TMPRSS11E: variants seen among roughly 807,000 people sequenced by gnomAD.
The protein encoded by TMPRSS11E is transmembrane protease serine 11E.
Under a neutral mutation model 48.1 loss-of-function variants are expected in TMPRSS11E, and 38 were observed. The observed-to-expected ratio is 0.79, with a 90% CI of 0.61 to 1.04. The LOEUF (loss-of-function observed/expected upper bound fraction) is 1.04. Ranked by LOEUF, TMPRSS11E falls within the 50% of genes least tolerant of loss-of-function variation. TMPRSS11E has a pLI of 0.00. For missense variants in TMPRSS11E, 530 were observed against 510.8 expected (o/e 1.04, Z -0.36); for synonymous variants, 158 against 171.9 (o/e 0.92, Z 0.63).
chr4:68,482,012 G>T (rs1031105895), intron 9 of TMPRSS11E, among the ~76,000 whole-genome samples: 4 of 152,230 alleles, frequency 2.6e-5, no homozygotes, highest in African/African-American at 4.8e-5. Flanking sequence ...AAAGAGAAAA[G>T]GTTTAATTGG....
chr4:68,476,284 A>C lies in TMPRSS11E; in HGVS notation c.553A>C (p.Thr185Pro), dbSNP rs1729214508. ...AGGCTGCGGAACACGAAGAAGTAAA[A>C]CTCTAGGTCAGAGTCTCAGGATCGT... ...NHCCGTRRSK[T>P]LGQSLRIVGG... Residue 185 changes from threonine to proline, a missense_variant, in exon 7 of 10, where the codon ACT (threonine) becomes CCT (proline). Transcript: ENST00000305363. 1 of 1,613,848 alleles carries C rather than the reference A, an allele frequency of 6.2e-7. No homozygotes were observed. Among genetic ancestry groups the C allele is most frequent in the South Asian group, 1.1e-5 (1 of 91,070 alleles).
chr4:68,490,737 C>T (rs1729691995), intron 9 of TMPRSS11E, among the ~76,000 whole-genome samples: 1 of 147,662 alleles, frequency 6.8e-6, no homozygotes, highest in Non-Finnish European at 1.5e-5. Context: ...TTCATGCTTC[C>T]CACTCAGCAT....
intron 9 of TMPRSS11E, among the ~76,000 whole-genome samples, chr4:68,482,339 T>C (rs1482216790): frequency 6.6e-6 from 1 of 152,064 alleles, no homozygotes; most frequent in Non-Finnish European, 1.5e-5. Context: ...GGGATAAATA[T>C]CCAAATTATA....
chr4:68,464,726 C>A (rs1728881604), intron 2 of TMPRSS11E, among the ~76,000 whole-genome samples: 1 of 152,140 alleles, frequency 6.6e-6, no homozygotes, highest in Non-Finnish European at 1.5e-5. Context: ...GATTTTAAAT[C>A]ATTCAATCTA....
intron 9 of TMPRSS11E, among the ~76,000 whole-genome samples, chr4:68,495,944 A>T (rs1729853743): frequency 6.6e-6 from 1 of 152,164 alleles, no homozygotes; most frequent in Admixed American, 6.6e-5. Context: ...GATCTTGAGG[A>T]ATAATCAGCC....
Position 68,466,718 on chromosome 4 carries a change from A to C in TMPRSS11E, c.224A>C (p.Asn75Thr). ...GAGTTTGGCAGAGAGGCTTCTAACA[A>C]TTTTACAGAAATGAGCCAGAGACTT... ...YAEFGREASN[N>T]FTEMSQRLES... Residue 75 changes from asparagine (N) to threonine (T), a missense_variant, in exon 3 of 10, where the codon AAT becomes ACT. Coordinates refer to ENST00000305363, the MANE Select transcript of TMPRSS11E (RefSeq NM_014058.4). 2 of 1,613,728 alleles carry C rather than the reference A, an allele frequency of 1.2e-6. No homozygotes were observed. Among genetic ancestry groups the C allele is most frequent in the Non-Finnish European group, 1.7e-6 (2 of 1,179,718 alleles).
chr4:68,474,174 G>A (rs1180714770), intron 5 of TMPRSS11E, among the ~76,000 whole-genome samples: 1 of 152,050 alleles, frequency 6.6e-6, no homozygotes, highest in East Asian at 1.9e-4. Context: ...GACAATTTGA[G>A]GGCAGACTGT....
chr4:68,488,510 C>CTT (rs1443063367), intron 9 of TMPRSS11E, among the ~76,000 whole-genome samples: 4 of 151,900 alleles, frequency 2.6e-5, no homozygotes, highest in Non-Finnish European at 4.4e-5. Context: ...ATCAGTTTCT[C>CTT]TTCTTTTCTT....
chr4:68,485,760 C>G (rs1171513824), intron 9 of TMPRSS11E, among the ~76,000 whole-genome samples: 1 of 152,036 alleles, frequency 6.6e-6, no homozygotes, highest in Admixed American at 6.6e-5. Flanking sequence ...TAGAATTTGG[C>G]TGTGAATCTC....
At position 68,477,634 on chromosome 4, in the gene TMPRSS11E, C is replaced by T. The variant is rs756755565; in HGVS notation, c.967+6C>T. 57 of 1,610,000 alleles carry T rather than the reference C, an allele frequency of 3.5e-5. No individual in the cohort carries two copies. Among genetic ancestry groups the T allele is most frequent in the African/African-American group, 5.3e-5 (4 of 74,794 alleles). ...TGGAGCACTGAAAAATGATGGTGAG[C>T]ATCGGAAGAGGAACTCAAGTAAAAG... On this transcript the variant is annotated splice_donor_region_variant and intron_variant, in intron 8 of 9. Coordinates refer to ENST00000305363, the MANE Select transcript of TMPRSS11E (RefSeq NM_014058.4).
chr4:68,480,695 A>G (rs1347091375), intron 9 of TMPRSS11E, among the ~76,000 whole-genome samples: 2 of 151,986 alleles, frequency 1.3e-5, no homozygotes, highest in Non-Finnish European at 2.9e-5. Context: ...ATGATGACTG[A>G]TATTCAGATA....
chr4:68,478,259 G>A (rs1382824955), intron 8 of TMPRSS11E, among the ~76,000 whole-genome samples: 6 of 148,316 alleles, frequency 4.0e-5, no homozygotes, highest in Non-Finnish European at 8.9e-5. Flanking sequence ...AGGTTCAAGC[G>A]ATTCTCCTGC....
At chr4:68,494,656 C>T (rs1729819914) in intron 9 of TMPRSS11E, among the ~76,000 whole-genome samples, 1 of 150,824 alleles carries the variant, frequency 6.6e-6, no homozygotes, top group African/African-American at 2.4e-5. Flanking sequence ...GAGATAGAGA[C>T]AGACTGGTCC....
intron 4 of TMPRSS11E, 34 bp downstream of exon 4, chr4:68,468,980 A>G (rs1299598264): frequency 6.7e-7 from 1 of 1,497,340 alleles, no homozygotes; most frequent in East Asian, 2.3e-5. Context: ...TTCTGAATTT[A>G]AAGTTGAAGC....
At chr4:68,451,852 C>T (rs886564342) in intron 1 of TMPRSS11E, among the ~76,000 whole-genome samples, 3 of 151,808 alleles carry the variant, frequency 2.0e-5, no homozygotes, top group African/African-American at 7.3e-5. Context: ...GATGGTTAAC[C>T]AGGGTCTATC....
rs752653480 is a variant in TMPRSS11E, at chr4:68,497,573, T to C, written c.*769T>C. ...TTATTTAACATTGTTACTGAGGATG[T>C]CAACATATAACAATAAAATATAAAT... On this transcript the variant is annotated 3_prime_UTR_variant, in exon 10 of 10. Transcript: ENST00000305363. The C allele has an allele frequency of 6.6e-6, 1 of 152,106 alleles. No homozygotes were observed. Among genetic ancestry groups the C allele is most frequent in the Non-Finnish European group, 1.5e-5 (1 of 67,990 alleles). 9.4% of individuals were successfully genotyped at this position (152,106 alleles called of 1,614,324 possible).
chr4:68,481,094 T>C (rs1237103631), intron 9 of TMPRSS11E, among the ~76,000 whole-genome samples: 1 of 152,204 alleles, frequency 6.6e-6, no homozygotes, highest in Non-Finnish European at 1.5e-5. Context: ...CTTAGTATAA[T>C]GGCCTGTGGC....
intron 1 of TMPRSS11E, among the ~76,000 whole-genome samples, chr4:68,456,546 C>T (rs527989760): frequency 6.8e-4 from 104 of 151,864 alleles, no homozygotes; most frequent in African/African-American, 2.4e-3. Context: ...TTTTATAGTC[C>T]TGTTCTAGAA....
intron 9 of TMPRSS11E, among the ~76,000 whole-genome samples, chr4:68,482,528 T>C (rs1729435004): frequency 7.2e-6 from 1 of 139,164 alleles, no homozygotes; most frequent in African/African-American, 2.7e-5. Flanking sequence ...CCAAGGTGGG[T>C]GGATTTCTTG....
Sources: gnomAD v4.1 joint callset for allele counts (sites outside exome capture counted in the v4.1 genomes callset) on GRCh38, gnomAD v4.1.1 for gene constraint, MANE v1.5 for transcripts, NCBI Gene and HGNC (gene_info 2026-07-23, HGNC 2026-07-21) for gene names.